The following FRMD5 variants were observed in gnomAD, a reference collection of about 807,000 sequenced individuals.
FRMD5 encodes FERM domain containing 5, also known as FERM domain-containing protein 5.
FRMD5 carries 20 observed loss-of-function variants against 69.0 expected under a neutral mutation model. The ratio of observed to expected loss-of-function variants is 0.29; its 90% CI spans 0.20 to 0.42. The LOEUF is 0.42. Among genes scored for constraint, FRMD5 ranks in the 10% least tolerant of loss-of-function variants. The pLI is 1.00. For synonymous variants in FRMD5, 271 were observed against 260.1 expected (o/e 1.04, Z -0.40); for missense variants, 595 against 708.6 (o/e 0.84, Z 1.82).
chr15:44,100,540 A>T (rs969133458), intron 1 of FRMD5, among the ~76,000 whole-genome samples: 11 of 152,198 alleles, frequency 7.2e-5, no homozygotes, highest in Non-Finnish European at 1.6e-4. Context: ...TACAATATTT[A>T]AAAATACAAG....
intron 1 of FRMD5, among the ~76,000 whole-genome samples, chr15:44,194,022 T>C (rs2078239290): frequency 6.6e-6 from 1 of 152,216 alleles, no homozygotes; most frequent in African/African-American, 2.4e-5. Context: ...AGGATCCTCC[T>C]GGCTGATGAA....
chr15:43,971,641 AAAAG>A (rs1252025090), intron 1 of FRMD5, among the ~76,000 whole-genome samples: 1 of 151,894 alleles, frequency 6.6e-6, no homozygotes, highest in African/African-American at 2.4e-5. Flanking sequence ...AAAAAAAAAA[AAAAG>A]AGTTTCTATG....
chr15:44,104,110 A>G (rs773960011), intron 1 of FRMD5, among the ~76,000 whole-genome samples: 1 of 152,226 alleles, frequency 6.6e-6, no homozygotes, highest in Non-Finnish European at 1.5e-5. Flanking sequence ...GATTGAAGAC[A>G]GTGATAATGA....
chr15:43,980,087 T>C (rs2090525534), intron 1 of FRMD5, among the ~76,000 whole-genome samples: 1 of 152,218 alleles, frequency 6.6e-6, no homozygotes, highest in Non-Finnish European at 1.5e-5. Flanking sequence ...ATAAATCTAA[T>C]TGATTGTAAG....
intron 1 of FRMD5, among the ~76,000 whole-genome samples, chr15:44,182,034 G>A (rs540501820): frequency 2.0e-5 from 3 of 147,908 alleles, no homozygotes; most frequent in African/African-American, 5.0e-5. Context: ...TTTTTGAAAC[G>A]GAGTCTCACT....
chr15:44,146,233 G>A lies in FRMD5; in HGVS notation c.102+48720C>T, dbSNP rs540614660. ...TGTTCTCATTGTTTGGCTCTCACTT[G>A]TAAGTGAGAACATGTGGTGTTTGGT... On this transcript the variant is annotated intron_variant, in intron 1 of 13. Transcript: ENST00000417257. Among the ~76,000 whole-genome samples, 7 of 152,182 alleles carry A rather than the reference G, an allele frequency of 4.6e-5. 1 individual carries two copies. The highest frequency in any genetic ancestry group is 1.7e-4 in the African/African-American group (7 of 41,520).
chr15:44,114,509 G>A (rs1159860196), intron 1 of FRMD5, among the ~76,000 whole-genome samples: 1 of 152,118 alleles, frequency 6.6e-6, no homozygotes, highest in Non-Finnish European at 1.5e-5. Context: ...CATTTCTTCT[G>A]ACTTCTCTAT....
intron 13 of FRMD5, among the ~76,000 whole-genome samples, chr15:43,878,932 C>CT (rs71421808): frequency 0.024 from 2,740 of 112,880 alleles, 57 homozygotes; most frequent in East Asian, 0.09. Flanking sequence ...TTTTTCTTTT[C>CT]TTTTTTTTTT....
chr15:44,038,404 T>C (rs1222204170), intron 1 of FRMD5, among the ~76,000 whole-genome samples: 1 of 152,080 alleles, frequency 6.6e-6, no homozygotes, highest in Non-Finnish European at 1.5e-5. Flanking sequence ...GGTTTTCTTC[T>C]AGGATTTTAT....
intron 1 of FRMD5, among the ~76,000 whole-genome samples, chr15:43,944,660 G>A (rs2089915083): frequency 6.6e-6 from 1 of 151,984 alleles, no homozygotes; most frequent in Non-Finnish European, 1.5e-5. Context: ...CATGATCTTG[G>A]CTCACTGCAA....
At chr15:43,964,082 GAAAATAAAAT>G (rs746628457) in intron 1 of FRMD5, among the ~76,000 whole-genome samples, 9 of 151,604 alleles carry the variant, frequency 5.9e-5, no homozygotes, top group African/African-American at 1.9e-4. Flanking sequence ...AATATCACTA[GAAAATAAAAT>G]AAAATAAAAT....
chr15:43,936,582 C>CAG (rs1324217751), intron 1 of FRMD5, among the ~76,000 whole-genome samples: 1 of 152,080 alleles, frequency 6.6e-6, no homozygotes, highest in Non-Finnish European at 1.5e-5. Flanking sequence ...TCCTAATACC[C>CAG]AGTGAGATCA....
Position 43,905,927 on chromosome 15 carries a change from C to T in FRMD5, c.452G>A (p.Gly151Glu). ...GGAGCTGTAGCCTTCAGGGTGTTTC[C>T]CTGAGTCATAATCCCCAATCTCCGC... Reference protein sequence around the residue: ...LQAEIGDYDSGKHPEGYSSKF... With the variant: ...LQAEIGDYDSEKHPEGYSSKF... Residue 151 changes from glycine to glutamate, a missense_variant, in exon 6 of 14, where the codon GGG becomes GAG. By Grantham distance (98) the Gly-to-Glu change is moderately conservative (BLOSUM62 -2). Transcript: ENST00000417257. 6.2e-7 allele frequency: 1 copy of T among 1,614,176 alleles called. No individual in the cohort carries two copies. Among genetic ancestry groups the T allele is most frequent in the Non-Finnish European group, 8.5e-7 (1 of 1,180,014 alleles).
At chr15:43,943,605 T>G (rs2089897269) in intron 1 of FRMD5, among the ~76,000 whole-genome samples, 1 of 152,218 alleles carries the variant, frequency 6.6e-6, no homozygotes, top group African/African-American at 2.4e-5. Context: ...AATCCAGTTA[T>G]TGGTTCCTTA....
intron 1 of FRMD5, among the ~76,000 whole-genome samples, chr15:43,974,134 G>A (rs1309680336): frequency 6.6e-6 from 1 of 151,938 alleles, no homozygotes; most frequent in Non-Finnish European, 1.5e-5. Context: ...GTTGGAATCA[G>A]CAGTAGGGTG....
intron 1 of FRMD5, among the ~76,000 whole-genome samples, chr15:44,012,415 T>A (rs542634365): frequency 6.6e-6 from 1 of 152,284 alleles, no homozygotes; most frequent in Admixed American, 6.5e-5. Flanking sequence ...AGAACTTAAG[T>A]GTATTTAGCC....
intron 1 of FRMD5, among the ~76,000 whole-genome samples, chr15:44,004,061 A>C (rs573089547): frequency 2.6e-5 from 4 of 152,360 alleles, no homozygotes; most frequent in African/African-American, 9.6e-5. Flanking sequence ...GGTTTGACTA[A>C]AAATTTTCTG....
chr15:44,071,429 C>G (rs943851820), intron 1 of FRMD5, among the ~76,000 whole-genome samples: 2 of 144,952 alleles, frequency 1.4e-5, no homozygotes, highest in African/African-American at 5.5e-5. Flanking sequence ...CCTGTCTAAA[C>G]AAAACAAAAC....
At chr15:43,910,813 CTT>C (rs1267923449) in intron 4 of FRMD5, among the ~76,000 whole-genome samples, 1 of 152,200 alleles carries the variant, frequency 6.6e-6, no homozygotes, top group Non-Finnish European at 1.5e-5. Flanking sequence ...TCACATGACA[CTT>C]TGAGATAGGT....
Sources: gnomAD v4.1 joint callset for allele counts (sites outside exome capture counted in the v4.1 genomes callset) on GRCh38, gnomAD v4.1.1 for gene constraint, MANE v1.5 for transcripts, NCBI Gene and HGNC (gene_info 2026-07-23, HGNC 2026-07-21) for gene names.